SH3KBP1: variants seen among roughly 807,000 people sequenced by gnomAD.
SH3KBP1 encodes the protein SH3 domain-containing kinase-binding protein 1.
SH3KBP1 carries 8 observed loss-of-function variants against 50.1 expected under a neutral mutation model. That is an observed-to-expected ratio of 0.16 (90% confidence interval 0.09 to 0.29). SH3KBP1 has a LOEUF of 0.29. SH3KBP1 is among the 10% of genes least tolerant of loss of function. SH3KBP1 has a pLI of 1.00. For missense variants in SH3KBP1, 377 were observed against 535.2 expected (o/e 0.70, Z 2.92); for synonymous variants, 227 against 218.6 (o/e 1.04, Z -0.34).
chrX:19,715,763 G>GT (rs1363095245), intron 3 of SH3KBP1, among the ~76,000 whole-genome samples: 1 of 112,537 alleles, frequency 8.9e-6, no homozygotes, highest in Non-Finnish European at 1.9e-5. Context: ...CATAGCACAG[G>GT]TGAATGCTGC....
intron 6 of SH3KBP1, among the ~76,000 whole-genome samples, chrX:19,682,760 A>G (rs909713405): frequency 9.1e-6 from 1 of 110,343 alleles, no homozygotes; most frequent in Non-Finnish European, 1.9e-5. Flanking sequence ...AGAGGGATTC[A>G]GTGTTCGAAA....
chrX:19,758,115 C>A (rs2065265244), intron 2 of SH3KBP1, among the ~76,000 whole-genome samples: 1 of 109,871 alleles, frequency 9.1e-6, no homozygotes, highest in African/African-American at 3.3e-5. Flanking sequence ...CACCTGAGGG[C>A]AGGAGTTCGA....
rs139611063 is a variant in SH3KBP1 at position 19,867,343 on chromosome X, T to G, written c.4+19964A>C. On this transcript the variant is annotated intron_variant, in intron 1 of 17. Coordinates refer to ENST00000397821, the MANE Select transcript of SH3KBP1 (RefSeq NM_031892.3). The stretch of plus-strand genomic sequence containing the variant: ...AGGGAGGAAAGGGAAGAGGGAATTA[T>G]GTCTGGCTACAACAAATCGGATTTC... Among the ~76,000 whole-genome samples the G allele has an allele frequency of 7.2e-3, 798 of 111,545 alleles. 11 individuals are homozygous for G. The highest frequency in any genetic ancestry group is 0.025 in the African/African-American group (757 of 30,576).
chrX:19,857,825 C>T (rs115660726), intron 1 of SH3KBP1, among the ~76,000 whole-genome samples: 1,494 of 111,675 alleles, frequency 0.013, 35 homozygotes, highest in African/African-American at 0.046. Context: ...ACCTTCCCTC[C>T]ACACTAATTC....
chrX:19,635,313 A>C, intron 7 of SH3KBP1, among the ~76,000 whole-genome samples: 1 of 110,335 alleles, frequency 9.1e-6, no homozygotes, highest in Non-Finnish European at 1.9e-5. Context: ...GCAGACTGAC[A>C]CAGGGACAGA....
chrX:19,826,556 G>A (rs1418611296), intron 2 of SH3KBP1, among the ~76,000 whole-genome samples: 1 of 110,697 alleles, frequency 9.0e-6, no homozygotes, highest in Non-Finnish European at 1.9e-5. Flanking sequence ...GTGGTTACAT[G>A]TGTATAGTCC....
chrX:19,754,052 T>C (rs2065142699), intron 2 of SH3KBP1, among the ~76,000 whole-genome samples: 1 of 112,502 alleles, frequency 8.9e-6, no homozygotes, highest in African/African-American at 3.2e-5. Flanking sequence ...TCAAGAAATG[T>C]AACAGGTCTA....
intron 3 of SH3KBP1, among the ~76,000 whole-genome samples, chrX:19,731,231 G>A (rs886479121): frequency 2.7e-5 from 3 of 112,457 alleles, no homozygotes; most frequent in South Asian, 3.6e-4. Context: ...GAGCCACTGC[G>A]CCCGGCCTAC....
intron 5 of SH3KBP1, among the ~76,000 whole-genome samples, chrX:19,694,078 T>C (rs1312857890): frequency 1.8e-5 from 2 of 112,292 alleles, no homozygotes; most frequent in Non-Finnish European, 3.8e-5. Context: ...AGAGCTACCA[T>C]TTATTATGGG....
At chrX:19,856,970 T>G (rs2062146675) in intron 1 of SH3KBP1, among the ~76,000 whole-genome samples, 1 of 81,124 alleles carries the variant, frequency 1.2e-5, no homozygotes, top group African/African-American at 4.7e-5. Context: ...TTTTTTTTTT[T>G]TTTTTTTTTT....
intron 6 of SH3KBP1, among the ~76,000 whole-genome samples, chrX:19,655,122 T>C (rs145413625): frequency 1.5e-3 from 172 of 112,415 alleles, no homozygotes; most frequent in African/African-American, 5.0e-3. Context: ...ATCCCACACT[T>C]GCTCATGACA....
intron 2 of SH3KBP1, among the ~76,000 whole-genome samples, chrX:19,805,630 T>C (rs1272698288): frequency 1.7e-4 from 19 of 109,378 alleles, no homozygotes; most frequent in Non-Finnish European, 2.5e-4. Flanking sequence ...CTCATGCTAA[T>C]TACCGTCTGG....
At position 19,732,218 on chromosome X, in the gene SH3KBP1, C is replaced by T. The variant is rs145948812; in HGVS notation, c.286+14100G>A. 1.9e-3 allele frequency among the ~76,000 whole-genome samples: 207 copies of T among 111,119 alleles called. 1 individual carries two copies. Among genetic ancestry groups the T allele is most frequent in the African/African-American group, 6.3e-3 (192 of 30,503 alleles). On this transcript the variant is annotated intron_variant, in intron 3 of 17. Transcript: ENST00000397821. ...GTAAGGGTATTTAGCTTATCCATCG[C>T]CTCAAATATTTATCATTTCTTTGTA...
At chrX:19,782,793 G>A in intron 2 of SH3KBP1, among the ~76,000 whole-genome samples, 1 of 111,596 alleles carries the variant, frequency 9.0e-6, no homozygotes, top group East Asian at 2.8e-4. Flanking sequence ...CCCCAAAACA[G>A]TTGCTGATGC....
chrX:19,832,846 G>A (rs183830320), intron 2 of SH3KBP1, among the ~76,000 whole-genome samples: 367 of 111,830 alleles, frequency 3.3e-3, no homozygotes, highest in Non-Finnish European at 4.5e-3. Context: ...AGTCCTCTCC[G>A]AGCAGGGGGA....
chrX:19,681,882 C>T (rs1488512497), intron 6 of SH3KBP1, among the ~76,000 whole-genome samples: 2 of 110,872 alleles, frequency 1.8e-5, no homozygotes, highest in Non-Finnish European at 3.8e-5. Flanking sequence ...AAGGTTCTCC[C>T]TGGCTTCGCT....
At chrX:19,610,986 G>T (rs1344644705) in intron 8 of SH3KBP1, among the ~76,000 whole-genome samples, 1 of 111,159 alleles carries the variant, frequency 9.0e-6, no homozygotes, top group Non-Finnish European at 1.9e-5. Flanking sequence ...TTGGGTTCAA[G>T]AGATCCTCCC....
chrX:19,635,570 T>A (rs2061684040), intron 7 of SH3KBP1, among the ~76,000 whole-genome samples: 1 of 110,045 alleles, frequency 9.1e-6, no homozygotes, highest in Non-Finnish European at 1.9e-5. Context: ...AATACTACGT[T>A]GCATTGGATG....
chrX:19,677,754 C>T (rs1462252892), intron 6 of SH3KBP1, among the ~76,000 whole-genome samples: 1 of 112,245 alleles, frequency 8.9e-6, no homozygotes, highest in Non-Finnish European at 1.9e-5. Flanking sequence ...CCCAAACCAT[C>T]CATTTCTCTC....
Sources: allele counts gnomAD v4.1 joint callset (sites outside exome capture counted in the v4.1 genomes callset), GRCh38; gene constraint gnomAD v4.1.1; transcripts MANE v1.5; gene names NCBI Gene and HGNC (gene_info 2026-07-23, HGNC 2026-07-21).